The following CNKSR2 variants were observed in gnomAD, a reference collection of about 807,000 sequenced individuals.
The protein encoded by CNKSR2 is CNK homolog protein 2.
In CNKSR2, 14 loss-of-function variants were observed where a neutral mutation model predicts 84.4. The observed-to-expected ratio is 0.17, with a 90% CI of 0.11 to 0.26. The LOEUF is 0.26. CNKSR2 is among the 10% of genes least tolerant of loss of function. The pLI is 1.00. For missense variants in CNKSR2, 485 were observed against 771.2 expected, an observed-to-expected ratio of 0.63 and a Z score of 4.40; for synonymous variants, 275 against 277.9, an observed-to-expected ratio of 0.99 and a Z score of 0.10.
intron 6 of CNKSR2, chrX:21,494,103 A>C (rs1012201204): frequency 1.8e-5 from 2 of 111,631 alleles, no homozygotes; most frequent in African/African-American, 6.5e-5. Flanking sequence ...TCTTTGGCTT[A>C]CAATTGTCAG....
intron 18 of CNKSR2, chrX:21,606,396 T>C (rs901823822): frequency 8.3e-6 from 1 of 120,796 alleles, no homozygotes; most frequent in Non-Finnish European, 1.7e-5. Context: ...TTTGAATATC[T>C]TTAGGATAAA....
intron 1 of CNKSR2, among the ~76,000 whole-genome samples, chrX:21,398,820 A>G (rs2090151946): frequency 8.9e-6 from 1 of 112,236 alleles, no homozygotes; most frequent in African/African-American, 3.2e-5. Flanking sequence ...TGAGTTCTTA[A>G]TTTAATTATG....
chrX:21,550,848 C>T (rs1003129136), intron 11 of CNKSR2, among the ~76,000 whole-genome samples: 8 of 110,221 alleles, frequency 7.3e-5, no homozygotes, highest in Non-Finnish European at 1.5e-4. Flanking sequence ...CCAGCCTGGG[C>T]AACATGGTGA....
chrX:21,624,961 CTGAG>C (rs774182120), intron 20 of CNKSR2, among the ~76,000 whole-genome samples: 23 of 111,910 alleles, frequency 2.1e-4, no homozygotes, highest in African/African-American at 6.5e-4. Flanking sequence ...TGAGGCTTGA[CTGAG>C]TAAGGTAGAA....
chrX:21,611,402 C>T (rs1176335469), intron 20 of CNKSR2, among the ~76,000 whole-genome samples: 1 of 112,084 alleles, frequency 8.9e-6, no homozygotes, highest in Non-Finnish European at 1.9e-5. Flanking sequence ...TTCATCATTC[C>T]TACAGGTTAA....
At chrX:21,512,561 A>G (rs2091684174) in intron 8 of CNKSR2, among the ~76,000 whole-genome samples, 1 of 111,509 alleles carries the variant, frequency 9.0e-6, no homozygotes, top group Non-Finnish European at 1.9e-5. Flanking sequence ...TTGGAGCTGC[A>G]AAAGACTAGA....
At chrX:21,632,968 G>A (rs1450723669) in intron 20 of CNKSR2, among the ~76,000 whole-genome samples, 2 of 105,474 alleles carry the variant, frequency 1.9e-5, no homozygotes, top group African/African-American at 7.0e-5. Context: ...AGGTGTTCAT[G>A]TGTATACACA....
At chrX:21,422,680 G>A (rs1475699134) in intron 1 of CNKSR2, among the ~76,000 whole-genome samples, 1 of 111,916 alleles carries the variant, frequency 8.9e-6, no homozygotes, top group Non-Finnish European at 1.9e-5. Context: ...TGAAGGTGTT[G>A]TTTATTACAT....
intron 4 of CNKSR2, among the ~76,000 whole-genome samples, chrX:21,468,289 T>C (rs1399054913): frequency 5.4e-5 from 6 of 111,430 alleles, no homozygotes; most frequent in Non-Finnish European, 1.1e-4. Context: ...ATTATTTAAA[T>C]ATTACTAACT....
intron 1 of CNKSR2, among the ~76,000 whole-genome samples, chrX:21,413,950 C>T (rs961816850): frequency 9.0e-6 from 1 of 110,600 alleles, no homozygotes; most frequent in Non-Finnish European, 1.9e-5. Flanking sequence ...CAATGACATT[C>T]TTCACAGAAA....
intron 20 of CNKSR2, among the ~76,000 whole-genome samples, chrX:21,625,806 A>G (rs1256248124): frequency 9.8e-5 from 11 of 112,358 alleles, no homozygotes; most frequent in East Asian, 2.8e-4. Flanking sequence ...TCTCACTTCA[A>G]TTGAAAACCT....
intron 1 of CNKSR2, chrX:21,425,486 CTGTT>C (rs1295766544): frequency 1.8e-5 from 2 of 111,586 alleles, no homozygotes; most frequent in African/African-American, 6.5e-5. Context: ...CATAATCTCT[CTGTT>C]TGGAAACTTG....
In CNKSR2 at chrX:21,402,471, A is replaced by C. The variant is rs753785019; in HGVS notation, c.65-24026A>C. On this transcript the variant is annotated intron_variant, in intron 1 of 21. Transcript: ENST00000379510. Reference sequence around the variant, plus strand: ...TTTTTCATTTTTAATCTAGCAACTAATATGAAATTTTAGTGGCAAATGAGC... The same window carrying C: ...TTTTTCATTTTTAATCTAGCAACTACTATGAAATTTTAGTGGCAAATGAGC... Among the ~76,000 whole-genome samples, 3 of 111,484 alleles carry C rather than the reference A, an allele frequency of 2.7e-5. No homozygotes were observed. In the East Asian group the frequency reaches 8.4e-4, roughly 31 times the overall value.
intron 1 of CNKSR2, among the ~76,000 whole-genome samples, chrX:21,419,627 A>G (rs2090467638): frequency 8.9e-6 from 1 of 111,947 alleles, no homozygotes; most frequent in African/African-American, 3.3e-5. Flanking sequence ...AAGCCCGGTG[A>G]TGCTGTGCTT....
intron 13 of CNKSR2, among the ~76,000 whole-genome samples, chrX:21,579,796 T>G (rs895346482): frequency 2.7e-5 from 3 of 111,803 alleles, no homozygotes; most frequent in African/African-American, 9.8e-5. Flanking sequence ...CCTCCAACAG[T>G]ACTACCAAAA....
At chrX:21,432,528 G>T in intron 2 of CNKSR2, 84 bp from the exon 3 acceptor site, 1 of 688,393 alleles carries the variant, frequency 1.5e-6, no homozygotes, top group Non-Finnish European at 2.2e-6. Context: ...CCCATTGCCT[G>T]TGCATAATAA....
chrX:21,634,127 TTGAA>T (rs1170880390), intron 20 of CNKSR2, among the ~76,000 whole-genome samples: 4 of 112,227 alleles, frequency 3.6e-5, no homozygotes, highest in Non-Finnish European at 7.5e-5. Flanking sequence ...ATATAATAAT[TTGAA>T]TGTTGGAATA....
intron 5 of CNKSR2, among the ~76,000 whole-genome samples, chrX:21,484,910 G>A (rs1030958891): frequency 1.8e-5 from 2 of 111,837 alleles, no homozygotes; most frequent in South Asian, 3.7e-4. Flanking sequence ...CTGGCCAGGC[G>A]TGGTGGCTCA....
At chrX:21,649,120 G>T (rs2092714598) in intron 21 of CNKSR2, 93 bp downstream of exon 21, 2 of 644,729 alleles carry the variant, frequency 3.1e-6, no homozygotes, top group Admixed American at 6.7e-5. Context: ...ACAAATTGGG[G>T]GCTGGGGAGA....
Sources: allele counts gnomAD v4.1 joint callset (sites outside exome capture counted in the v4.1 genomes callset), GRCh38; gene constraint gnomAD v4.1.1; transcripts MANE v1.5; gene names NCBI Gene and HGNC (gene_info 2026-07-23, HGNC 2026-07-21).